Variants in SUCLG2 observed in about 807,000 individuals in gnomAD.
SUCLG2 encodes succinate-CoA ligase GDP-forming subunit beta.
Under a neutral mutation model 47.9 loss-of-function variants are expected in SUCLG2, and 42 were observed. That is an observed-to-expected ratio of 0.88 (90% CI 0.69 to 1.14). The LOEUF is 1.14. Among genes scored for constraint, SUCLG2 ranks in the 50% most tolerant of loss-of-function variants. The pLI is 0.00. For missense variants in SUCLG2, 571 were observed against 525.9 expected (o/e 1.09, Z -0.84); for synonymous variants, 195 against 197.3 (o/e 0.99, Z 0.10).
At chr3:67,590,144 C>T (rs1452864447) in intron 2 of SUCLG2, among the ~76,000 whole-genome samples, 1 of 152,130 alleles carries the variant, frequency 6.6e-6, no homozygotes, top group Non-Finnish European at 1.5e-5. Flanking sequence ...TCTGTTTCCT[C>T]ATTTCAGAAA....
At chr3:67,439,934 G>C (rs1413567866) in intron 9 of SUCLG2, among the ~76,000 whole-genome samples, 2 of 152,116 alleles carry the variant, frequency 1.3e-5, no homozygotes, top group African/African-American at 2.4e-5. Context: ...ACAATCCTAA[G>C]CAAAAAGAAC....
rs571988155 is a variant in SUCLG2 at position 67,503,594 on chromosome 3, C to T, written c.757+5213G>A. On this transcript the variant is annotated intron_variant, in intron 7 of 10. Transcript: ENST00000307227. ...ATTTTCAGAGGTGCTGAGCTTGGTC[C>T]GGACCTTAAGATTGTCAACGTCACA... Among the ~76,000 whole-genome samples the T allele has an allele frequency of 4.4e-4, 67 of 152,252 alleles. No homozygotes were observed. The South Asian group carries it at 0.01, about 24-fold the overall frequency.
intron 10 of SUCLG2, among the ~76,000 whole-genome samples, chr3:67,391,197 C>T (rs1443037817): frequency 1.3e-5 from 2 of 152,210 alleles, no homozygotes; most frequent in African/African-American, 4.8e-5. Context: ...CCTAAACTTT[C>T]TCTAAAGTTG....
intron 2 of SUCLG2, among the ~76,000 whole-genome samples, chr3:67,550,455 G>A (rs1706982870): frequency 6.6e-6 from 1 of 152,008 alleles, no homozygotes; most frequent in Admixed American, 6.6e-5. Context: ...TCCTCCCTCA[G>A]CCTCCCAAGT....
chr3:67,536,386 G>T (rs1301592249), intron 2 of SUCLG2, among the ~76,000 whole-genome samples: 1 of 152,164 alleles, frequency 6.6e-6, no homozygotes, highest in African/African-American at 2.4e-5. Flanking sequence ...ATTTAAATCT[G>T]TTCCTCTCTC....
chr3:67,476,897 T>C (rs1174027952), intron 9 of SUCLG2, among the ~76,000 whole-genome samples: 1 of 152,154 alleles, frequency 6.6e-6, no homozygotes, highest in Middle Eastern at 3.2e-3. Flanking sequence ...GATTCCATAC[T>C]TAGCAAAACC....
At chr3:67,516,940 G>A (rs1705961608) in intron 6 of SUCLG2, among the ~76,000 whole-genome samples, 1 of 152,146 alleles carries the variant, frequency 6.6e-6, no homozygotes, top group South Asian at 2.1e-4. Flanking sequence ...AATGTAGCTG[G>A]TATCCTCATT....
At chr3:67,496,675 C>G (rs1449174901) in intron 8 of SUCLG2, among the ~76,000 whole-genome samples, 1 of 152,100 alleles carries the variant, frequency 6.6e-6, no homozygotes, top group Admixed American at 6.6e-5. Flanking sequence ...AGGAGCCTTT[C>G]TTAAGAAAGT....
Position 67,498,154 on chromosome 3 carries a change from T to C in SUCLG2, c.899A>G (p.Asp300Gly). The C allele has an allele frequency of 4.3e-6, 7 of 1,612,324 alleles. No individual in the cohort carries two copies. The highest frequency in any genetic ancestry group is 5.9e-6 in the Non-Finnish European group (7 of 1,179,302). ...AKYDLKYIGL[D>G]GNIACFVNGA... Reference sequence around the variant, plus strand: ...CTTACCAAAGCAGGCAATGTTCCCATCTAGTCCTATGTATTTTAGATCATA... The same window carrying C: ...CTTACCAAAGCAGGCAATGTTCCCACCTAGTCCTATGTATTTTAGATCATA... The change falls in exon 8 of 11, where the codon GAT becomes GGT. Residue 300 changes from aspartate to glycine, a missense_variant. Transcript: ENST00000307227.
chr3:67,373,728 C>T (rs559491244), downstream of SUCLG2, among the ~76,000 whole-genome samples: 111 of 152,136 alleles, frequency 7.3e-4, no homozygotes, highest in Non-Finnish European at 9.9e-4. Flanking sequence ...CTCTTTCTTT[C>T]GTTTATTTGC....
At chr3:67,533,690 T>G (rs1182077500) in intron 2 of SUCLG2, among the ~76,000 whole-genome samples, 1 of 152,180 alleles carries the variant, frequency 6.6e-6, no homozygotes, top group East Asian at 1.9e-4. Flanking sequence ...ATGAGCTCAC[T>G]TCTATGTTTG....
At chr3:67,518,487 T>G in intron 5 of SUCLG2, 151 bp from the exon 6 acceptor site, 1 of 625,260 alleles carries the variant, frequency 1.6e-6, no homozygotes, top group East Asian at 3.0e-5. Flanking sequence ...CGCAGATGCC[T>G]GTAGGGTATG....
chr3:67,586,548 T>C (rs1708024332), intron 2 of SUCLG2, among the ~76,000 whole-genome samples: 1 of 152,222 alleles, frequency 6.6e-6, no homozygotes, highest in Non-Finnish European at 1.5e-5. Context: ...ATTGGTCTGA[T>C]GTTCATGATC....
At chr3:67,512,227 C>A (rs1207641437) in intron 6 of SUCLG2, among the ~76,000 whole-genome samples, 1 of 151,042 alleles carries the variant, frequency 6.6e-6, no homozygotes, top group Non-Finnish European at 1.5e-5. Context: ...AAGGCTAGTC[C>A]CATTCTGAGA....
At chr3:67,408,741 A>C in intron 9 of SUCLG2, 1 of 1,329,618 alleles carries the variant, frequency 7.5e-7, no homozygotes, top group Non-Finnish European at 9.6e-7. Flanking sequence ...AGGTTTATTG[A>C]GTGTTAATTT....
At chr3:67,444,351 C>T (rs1328610906) in intron 9 of SUCLG2, among the ~76,000 whole-genome samples, 22 of 73,196 alleles carry the variant, frequency 3.0e-4, no homozygotes, top group Admixed American at 8.3e-4. Flanking sequence ...GTTAGCCCCC[C>T]GCCTGGCCAG....
At chr3:67,567,280 A>G (rs1707477267) in intron 2 of SUCLG2, among the ~76,000 whole-genome samples, 1 of 146,038 alleles carries the variant, frequency 6.8e-6, no homozygotes, top group Non-Finnish European at 1.5e-5. Flanking sequence ...TGGCAGAACT[A>G]TACTTCCTAT....
chr3:67,410,822 ACTGT>A, intron 9 of SUCLG2, among the ~76,000 whole-genome samples: 1 of 152,306 alleles, frequency 6.6e-6, no homozygotes, highest in East Asian at 1.9e-4. Context: ...TGGTTACAAA[ACTGT>A]CTTTCCAGCT....
intron 2 of SUCLG2, among the ~76,000 whole-genome samples, chr3:67,549,606 C>A (rs2107191660): frequency 6.6e-6 from 1 of 152,214 alleles, no homozygotes; most frequent in South Asian, 2.1e-4. Context: ...AATCTGCGTT[C>A]TTTACAATGA....
Sources: gnomAD v4.1 joint callset for allele counts (sites outside exome capture counted in the v4.1 genomes callset) on GRCh38, gnomAD v4.1.1 for gene constraint, MANE v1.5 for transcripts, NCBI Gene and HGNC (gene_info 2026-07-23, HGNC 2026-07-21) for gene names.